Variants in TTPAL observed in about 807,000 individuals in gnomAD.
TTPAL encodes the protein alpha tocopherol transfer protein like, also known as alpha-tocopherol transfer protein-like.
Under a neutral mutation model 28.7 loss-of-function variants are expected in TTPAL, and 21 were observed. The observed-to-expected ratio is 0.73, with a 90% CI of 0.52 to 1.06. TTPAL has a LOEUF of 1.06. Among genes scored for constraint, TTPAL ranks in the 50% least tolerant of loss-of-function variants. The pLI is 0.00. For synonymous variants in TTPAL, 169 were observed against 171.9 expected, an observed-to-expected ratio of 0.98 and a Z score of 0.13; for missense variants, 345 against 425.5, an observed-to-expected ratio of 0.81 and a Z score of 1.67.
At chr20:44,486,533 T>C in intron 3 of TTPAL, 63 bp from the exon 4 acceptor site, 1 of 987,500 alleles carries the variant, frequency 1.0e-6, no homozygotes, top group Non-Finnish European at 1.6e-6. Context: ...AGATTTAACT[T>C]GGGGGAGGAA....
chr20:44,476,326 T>C (rs1373220264), intron 1 of TTPAL, among the ~76,000 whole-genome samples: 1 of 152,198 alleles, frequency 6.6e-6, no homozygotes, highest in Non-Finnish European at 1.5e-5. Flanking sequence ...TATGTCCGCC[T>C]GTCAGCTCAT....
intron 4 of TTPAL, 42 bp from the exon 5 acceptor site, chr20:44,489,221 T>A (rs952335241): frequency 1.3e-6 from 2 of 1,574,438 alleles, no homozygotes; most frequent in Admixed American, 1.8e-5. Flanking sequence ...GCATTCCTGA[T>A]TAACCTAAGG....
intron 1 of TTPAL, among the ~76,000 whole-genome samples, chr20:44,479,418 T>G (rs1295603354): frequency 1.4e-5 from 2 of 144,022 alleles, no homozygotes; most frequent in South Asian, 4.5e-4. Flanking sequence ...TTTTTTTTTT[T>G]TTTTTTTTTT....
chr20:44,488,865 T>C (rs1213423064), intron 4 of TTPAL, among the ~76,000 whole-genome samples: 1 of 152,110 alleles, frequency 6.6e-6, no homozygotes, highest in Non-Finnish European at 1.5e-5. Context: ...GTGGGAGTGC[T>C]GGAAGGCTGT....
intron 4 of TTPAL, 27 bp downstream of exon 4, chr20:44,486,733 A>C: frequency 7.3e-7 from 1 of 1,367,960 alleles, no homozygotes; most frequent in South Asian, 1.3e-5. Flanking sequence ...TTGACTTCAG[A>C]TTTTTCTTTT....
rs1241242093 is a variant in TTPAL at position 44,493,641 on chromosome 20, G to A, written c.*4100G>A. 3 of 152,300 alleles carry A rather than the reference G, an allele frequency of 2.0e-5. No individual in the cohort carries two copies. Among genetic ancestry groups the A allele is most frequent in the Non-Finnish European group, 2.9e-5 (2 of 68,042 alleles). 9.4% of individuals were successfully genotyped at this position (152,300 alleles called of 1,614,324 possible). ...TGTATCTCCTGTGGCCATGAGAGGT[G>A]TGGCTATACCGAACAGAAACATGCC... On this transcript the variant is annotated 3_prime_UTR_variant, in exon 5 of 5. Coordinates refer to ENST00000262605, the MANE Select transcript of TTPAL (RefSeq NM_001039199.3).
chr20:44,479,943 A>G (rs1271919702), intron 1 of TTPAL, 42 bp from the exon 2 acceptor site: 13 of 1,532,062 alleles, frequency 8.5e-6, no homozygotes, highest in Non-Finnish European at 1.2e-5. Flanking sequence ...AGGATTTGAA[A>G]TAAGCACTTG....
Position 44,484,887 on chromosome 20 carries a change from T to C in TTPAL, c.639+357T>C, listed in dbSNP as rs193078641. Among the ~76,000 whole-genome samples the C allele has an allele frequency of 4.0e-3, 603 of 152,178 alleles. 5 individuals carry two copies. The highest frequency in any genetic ancestry group is 0.014 in the African/African-American group (568 of 41,536). Reference sequence around the variant, plus strand: ...CAATTCTTTGGGAGGCCGAGGCAGGTGGATCACTTGAGGTCAGGAGTTTGA... The same window carrying C: ...CAATTCTTTGGGAGGCCGAGGCAGGCGGATCACTTGAGGTCAGGAGTTTGA... On this transcript the variant is annotated intron_variant, in intron 3 of 4. Coordinates refer to ENST00000262605, the MANE Select transcript of TTPAL (RefSeq NM_001039199.3).
Position 44,489,277 on chromosome 20 carries a change from G to T in TTPAL, c.765G>T (p.Gly255=). The T allele has an allele frequency of 3.1e-6, 5 of 1,613,642 alleles. No homozygotes were observed. The highest frequency in any genetic ancestry group is 1.7e-4 in the Middle Eastern group (1 of 6,060). Residue 255 remains glycine, a synonymous_variant, in exon 5 of 5, where the codon GGG becomes GGT. Transcript: ENST00000262605. ...TTCCCTTTTAGTTCTTCCTCCATGG[G>T]TCTGACTTGAACTCTCTCCACACAA... ...EKIANRFFLH[G]SDLNSLHTNL...
rs2064225756 is a variant in TTPAL at position 44,493,371 on chromosome 20, G to A, written c.*3830G>A. ...GCTTTTCTCTGAATTCCTTTATATT[G>A]AGCCTTTCAGAATTCTCCCTGGGTG... On this transcript the variant is annotated 3_prime_UTR_variant, in exon 5 of 5. Coordinates refer to ENST00000262605, the MANE Select transcript of TTPAL (RefSeq NM_001039199.3). 4 of 152,356 alleles carry A rather than the reference G, an allele frequency of 2.6e-5. No individual in the cohort carries two copies. In the South Asian group the frequency reaches 8.3e-4, roughly 32 times the overall value. The allele number at this position is 152,356 out of a possible 1,614,324, so 9.4% of individuals were successfully genotyped here.
intron 4 of TTPAL, among the ~76,000 whole-genome samples, chr20:44,487,917 T>A (rs1409410605): frequency 6.6e-6 from 1 of 152,192 alleles, no homozygotes; most frequent in Non-Finnish European, 1.5e-5. Context: ...TACAGGCACG[T>A]GCCACCACGC....
intron 1 of TTPAL, among the ~76,000 whole-genome samples, 172 bp downstream of exon 1, chr20:44,476,163 A>G (rs1012008431): frequency 3.3e-5 from 5 of 152,058 alleles, no homozygotes; most frequent in African/African-American, 9.7e-5. Context: ...TCCACGGGAT[A>G]TGGGGTCTCG....
chr20:44,489,627 G>T lies in TTPAL; in HGVS notation c.*86G>T. On this transcript the variant is annotated 3_prime_UTR_variant, in exon 5 of 5. Coordinates refer to ENST00000262605, the MANE Select transcript of TTPAL (RefSeq NM_001039199.3). ...GAGAATTTAAGGGTCCATGGATTCA[G>T]TCTTGCTCCTTGTAATTAAACTGCA... 7.2e-7 allele frequency: 1 copy of T among 1,392,866 alleles called. No individual in the cohort carries two copies. Among genetic ancestry groups the T allele is most frequent in the Non-Finnish European group, 9.6e-7 (1 of 1,044,434 alleles). The allele number at this position is 1,392,866 out of a possible 1,614,324, so 86.3% of individuals were successfully genotyped here. A position where few individuals can be genotyped will look rare whatever the true frequency, so the allele number is the denominator to read the frequency against.
At chr20:44,476,585 C>A (rs538426640) in intron 1 of TTPAL, among the ~76,000 whole-genome samples, 167 of 152,322 alleles carry the variant, frequency 1.1e-3, no homozygotes, top group African/African-American at 3.8e-3. Context: ...AGCCCTCTGC[C>A]CTCGTGGAAC....
At chr20:44,477,639 C>CTATT (rs1476291705) in intron 1 of TTPAL, among the ~76,000 whole-genome samples, 5 of 150,170 alleles carry the variant, frequency 3.3e-5, no homozygotes, top group African/African-American at 1.2e-4. Flanking sequence ...ATTTATCTAT[C>CTATT]TATCTATTTA....
intron 1 of TTPAL, chr20:44,478,772 G>A (rs192927783): frequency 3.3e-5 from 5 of 152,234 alleles, no homozygotes; most frequent in Non-Finnish European, 7.4e-5. Flanking sequence ...AATTCATAAA[G>A]ATCTGCCTAC....
rs1181387179 is a variant in TTPAL at position 44,494,451 on chromosome 20, T to C, written c.*4910T>C. On this transcript the variant is annotated 3_prime_UTR_variant, in exon 5 of 5. Transcript: ENST00000262605. Reference sequence around the variant, plus strand: ...AACTGAAATTCAGTTTGGCTTTGAGTATAGGGATACATGGTGGATTCATGT... The same window carrying C: ...AACTGAAATTCAGTTTGGCTTTGAGCATAGGGATACATGGTGGATTCATGT... 1 of 152,712 alleles carries C rather than the reference T, an allele frequency of 6.5e-6. No homozygotes were observed. The highest frequency in any genetic ancestry group is 1.5e-5 in the Non-Finnish European group (1 of 68,026). The allele number at this position is 152,712 out of a possible 1,614,324, so 9.5% of individuals were successfully genotyped here.
rs535834111 is a variant in TTPAL, at chr20:44,480,678, T to G, written c.445+234T>G. ...CAGAGAGCTGAAGGCGTGGCAGCTT[T>G]TACTAGGGCCTAGAACCAAGAACCA... On this transcript the variant is annotated intron_variant, in intron 2 of 4. Coordinates refer to ENST00000262605, the MANE Select transcript of TTPAL (RefSeq NM_001039199.3). This position sits in a 1 kb window ranked among gnomAD's most constrained non-coding sequence, Gnocchi z 4.1. Among the ~76,000 whole-genome samples, 42 of 152,294 alleles carry G rather than the reference T, an allele frequency of 2.8e-4. No homozygotes were observed. The highest frequency in any genetic ancestry group is 6.8e-3 in the Middle Eastern group (2 of 294).
At position 44,489,343 on chromosome 20, in the gene TTPAL, G is replaced by A. The variant is rs749087725; in HGVS notation, c.831G>A (p.Thr277=). Residue 277 remains threonine, a synonymous_variant, in exon 5 of 5, where the codon ACG becomes ACA. Coordinates refer to ENST00000262605, the MANE Select transcript of TTPAL (RefSeq NM_001039199.3). The stretch of plus-strand genomic sequence containing the variant: ...TCCTCCCCAAGGAGTATGGGGGCAC[G>A]GCTGGGGAGCTGGACACTGCCACCT... ...RSILPKEYGG[T]AGELDTATWN... The A allele has an allele frequency of 1.5e-5, 25 of 1,614,022 alleles. No homozygotes were observed. The highest frequency in any genetic ancestry group is 2.2e-5 in the East Asian group (1 of 44,896).
Sources: allele counts gnomAD v4.1 joint callset (sites outside exome capture counted in the v4.1 genomes callset), GRCh38; gene constraint gnomAD v4.1.1; non-coding constraint Gnocchi (gnomAD v3.1); transcripts MANE v1.5; gene names NCBI Gene and HGNC (gene_info 2026-07-23, HGNC 2026-07-21).